EYS: variants seen among roughly 807,000 people sequenced by gnomAD.
EYS encodes the protein protein eyes shut homolog.
In EYS, 250 loss-of-function variants were observed where a neutral mutation model predicts 282.1. The observed-to-expected ratio is 0.89, with a 90% CI of 0.80 to 0.98. The LOEUF is 0.98. EYS is among the 50% of genes least tolerant of loss of function. The pLI, the probability that EYS is intolerant of heterozygous loss-of-function variation, is 0.00. For synonymous variants in EYS, 1,355 were observed against 1,282.9 expected (o/e 1.06, Z -1.20); for missense variants, 4,016 against 3,709.0 (o/e 1.08, Z -2.15).
chr6:64,358,296 C>T (rs753631178), intron 29 of EYS, among the ~76,000 whole-genome samples: 8 of 151,582 alleles, frequency 5.3e-5, no homozygotes, highest in Non-Finnish European at 1.2e-4. Flanking sequence ...AGTTATGATG[C>T]TTCTGAACTC....
chr6:63,977,633 A>T (rs1766901040), intron 35 of EYS, among the ~76,000 whole-genome samples: 1 of 151,916 alleles, frequency 6.6e-6, no homozygotes, highest in South Asian at 2.1e-4. Context: ...CAAACCAGAG[A>T]ATATTTTCCC....
At chr6:65,422,023 G>T in intron 5 of EYS, among the ~76,000 whole-genome samples, 1 of 151,902 alleles carries the variant, frequency 6.6e-6, no homozygotes, top group East Asian at 1.9e-4. Flanking sequence ...AGCACATGGT[G>T]TTAGAAAAAC....
intron 12 of EYS, among the ~76,000 whole-genome samples, chr6:65,141,396 G>A (rs1764336743): frequency 6.6e-6 from 1 of 151,936 alleles, no homozygotes; most frequent in African/African-American, 2.4e-5. Flanking sequence ...AATGCTAAAT[G>A]ACGAGTTAAT....
At chr6:65,350,887 T>C (rs1367774849) in intron 9 of EYS, among the ~76,000 whole-genome samples, 8 of 151,658 alleles carry the variant, frequency 5.3e-5, no homozygotes, top group Admixed American at 5.3e-4. Context: ...AATTTAGTTG[T>C]TAGAAAAATC....
chr6:64,527,747 A>T (rs898668892), intron 26 of EYS, among the ~76,000 whole-genome samples: 3 of 151,724 alleles, frequency 2.0e-5, no homozygotes, highest in African/African-American at 7.2e-5. Context: ...AACCATAAAT[A>T]AAAAATAAAA....
chr6:65,672,171 T>C (rs571919421), intron 1 of EYS, among the ~76,000 whole-genome samples: 1 of 152,166 alleles, frequency 6.6e-6, no homozygotes, highest in South Asian at 2.1e-4. Context: ...AAGAGAAGAA[T>C]AAAAGGTGTG....
chr6:64,686,804 T>TAC lies in EYS; in HGVS notation c.3444-60560_3444-60559insGT, dbSNP rs74213741. ...ATATATATATGTGTGTATATATATA[T>TAC]GTGTGTATATATATATGTGTATATA... On this transcript the variant is annotated intron_variant, in intron 22 of 42. Coordinates refer to ENST00000503581, the MANE Select transcript of EYS (RefSeq NM_001142800.2). 7.5e-3 allele frequency among the ~76,000 whole-genome samples: 354 copies of TAC among 47,314 alleles called. 85 individuals carry two copies. Among genetic ancestry groups the TAC allele is most frequent in the Non-Finnish European group, 0.014 (285 of 20,838 alleles). 31.0% of individuals were successfully genotyped at this position (47,314 alleles called of 152,430 possible).
chr6:65,630,433 A>T (rs1766870205), intron 2 of EYS, among the ~76,000 whole-genome samples: 1 of 152,228 alleles, frequency 6.6e-6, no homozygotes, highest in African/African-American at 2.4e-5. Flanking sequence ...ATATTTTCTT[A>T]ATAGAGCATT....
chr6:65,267,947 C>T (rs951694971), intron 12 of EYS, among the ~76,000 whole-genome samples: 2 of 151,402 alleles, frequency 1.3e-5, no homozygotes, highest in African/African-American at 2.4e-5. Flanking sequence ...ACTATCTCTC[C>T]CCTCTAAACA....
intron 12 of EYS, among the ~76,000 whole-genome samples, chr6:65,240,929 C>A (rs1767043186): frequency 6.6e-6 from 1 of 152,118 alleles, no homozygotes; most frequent in Non-Finnish European, 1.5e-5. Flanking sequence ...CCTTTCTTGG[C>A]AACACAATTT....
intron 5 of EYS, among the ~76,000 whole-genome samples, chr6:65,417,525 C>A (rs1021245212): frequency 6.6e-6 from 1 of 151,974 alleles, no homozygotes; most frequent in African/African-American, 2.4e-5. Context: ...TATGGATCTG[C>A]AATTTTTTTT....
At chr6:65,641,371 C>T (rs1767269494) in intron 1 of EYS, among the ~76,000 whole-genome samples, 1 of 152,222 alleles carries the variant, frequency 6.6e-6, no homozygotes, top group African/African-American at 2.4e-5. Context: ...TACCCTGACA[C>T]AGATGTCTCC....
intron 15 of EYS, among the ~76,000 whole-genome samples, chr6:64,913,065 TTAA>T (rs1562255908): frequency 6.6e-6 from 1 of 152,036 alleles, no homozygotes; most frequent in African/African-American, 2.4e-5. Context: ...TATGAATTAT[TTAA>T]TATAAGTTTT....
chr6:63,904,345 C>A (rs1291285810), intron 35 of EYS, among the ~76,000 whole-genome samples: 1 of 151,392 alleles, frequency 6.6e-6, no homozygotes, highest in African/African-American at 2.4e-5. Context: ...TTTTTTCTAT[C>A]TTCACACTAT....
intron 26 of EYS, among the ~76,000 whole-genome samples, chr6:64,558,845 C>T (rs1010007889): frequency 6.6e-6 from 1 of 152,090 alleles, no homozygotes; most frequent in Non-Finnish European, 1.5e-5. Context: ...TTCAAGGACT[C>T]TTTTTTTAAC....
chr6:64,962,383 T>C (rs1769951299), intron 14 of EYS, among the ~76,000 whole-genome samples: 2 of 152,078 alleles, frequency 1.3e-5, no homozygotes, highest in Admixed American at 1.3e-4. Context: ...CTTTATCTAA[T>C]TGTATTAGAT....
intron 22 of EYS, among the ~76,000 whole-genome samples, chr6:64,685,463 A>G (rs888798545): frequency 1.3e-5 from 2 of 152,072 alleles, no homozygotes; most frequent in Non-Finnish European, 2.9e-5. Context: ...TCCCTCATGA[A>G]TAGACTAATG....
chr6:65,440,685 A>T (rs1377578869), intron 5 of EYS, among the ~76,000 whole-genome samples: 12 of 151,200 alleles, frequency 7.9e-5, no homozygotes, highest in African/African-American at 2.9e-4. Context: ...TACTCACACC[A>T]TATACTTCTA....
At chr6:65,235,768 A>T (rs955693032) in intron 12 of EYS, among the ~76,000 whole-genome samples, 9 of 152,138 alleles carry the variant, frequency 5.9e-5, no homozygotes, top group African/African-American at 2.2e-4. Flanking sequence ...ACAAAGCAAA[A>T]TATATACATT....
Sources: allele counts gnomAD v4.1 joint callset (sites outside exome capture counted in the v4.1 genomes callset), GRCh38; gene constraint gnomAD v4.1.1; transcripts MANE v1.5; gene names NCBI Gene and HGNC (gene_info 2026-07-23, HGNC 2026-07-21).